The following KCNJ3 variants were observed in gnomAD, a reference collection of about 807,000 sequenced individuals.
KCNJ3 encodes the protein potassium inwardly rectifying channel subfamily J member 3, also known as G protein-activated inward rectifier potassium channel 1.
KCNJ3 carries 4 observed loss-of-function variants against 39.2 expected under a neutral mutation model. The ratio of observed to expected loss-of-function variants is 0.10; its 90% CI spans 0.05 to 0.23. KCNJ3 has a LOEUF of 0.23. KCNJ3 is among the 10% of genes least tolerant of loss of function. KCNJ3 has a pLI of 1.00. For synonymous variants in KCNJ3, 230 were observed against 237.4 expected, an observed-to-expected ratio of 0.97 and a Z score of 0.29; for missense variants, 276 against 634.9, an observed-to-expected ratio of 0.43 and a Z score of 6.08.
At chr2:154,846,895 T>C (rs1687673475) in intron 2 of KCNJ3, among the ~76,000 whole-genome samples, 1 of 152,182 alleles carries the variant, frequency 6.6e-6, no homozygotes, top group African/African-American at 2.4e-5. Context: ...GGGCTTTTCT[T>C]CTTTTTTTAT....
chr2:154,728,689 T>C (rs1400452977), intron 2 of KCNJ3, among the ~76,000 whole-genome samples: 1 of 152,188 alleles, frequency 6.6e-6, no homozygotes, highest in Non-Finnish European at 1.5e-5. Flanking sequence ...TGTAGTATTT[T>C]GAGGAATAAG....
At position 154,733,918 on chromosome 2, in the gene KCNJ3, T is replaced by C. The variant is rs115413621; in HGVS notation, c.919+24099T>C. ...ACATGTGTTTGTTGGTGTTGGGGTT[T>C]GGTGTGCCTAAGTGAATATAGACCT... On this transcript the variant is annotated intron_variant, in intron 2 of 2. Transcript: ENST00000295101. 7.6e-3 allele frequency among the ~76,000 whole-genome samples: 1,152 copies of C among 152,248 alleles called. 16 individuals are homozygous for C. The highest frequency in any genetic ancestry group is 0.025 in the African/African-American group (1,057 of 41,536).
intron 2 of KCNJ3, among the ~76,000 whole-genome samples, chr2:154,848,360 G>C (rs1687696895): frequency 6.6e-6 from 1 of 151,970 alleles, no homozygotes; most frequent in Non-Finnish European, 1.5e-5. Flanking sequence ...GAGATAATGA[G>C]ATAAAATATA....
At chr2:154,806,440 C>G (rs1336756638) in intron 2 of KCNJ3, among the ~76,000 whole-genome samples, 3 of 152,162 alleles carry the variant, frequency 2.0e-5, no homozygotes, top group African/African-American at 7.2e-5. Context: ...AAATGGCAAA[C>G]AAGCAGATTC....
chr2:154,787,025 G>A (rs748942061), intron 2 of KCNJ3, among the ~76,000 whole-genome samples: 12 of 152,112 alleles, frequency 7.9e-5, no homozygotes, highest in Non-Finnish European at 1.2e-4. Flanking sequence ...AATGATAACG[G>A]TTGGCTTATT....
intron 2 of KCNJ3, among the ~76,000 whole-genome samples, chr2:154,842,448 T>TATTA (rs1387230307): frequency 5.3e-5 from 8 of 152,224 alleles, no homozygotes; most frequent in Non-Finnish European, 1.0e-4. Context: ...TGTAGATGTC[T>TATTA]ATTAGGTCTG....
At chr2:154,791,311 G>C (rs893547656) in intron 2 of KCNJ3, among the ~76,000 whole-genome samples, 1 of 152,050 alleles carries the variant, frequency 6.6e-6, no homozygotes, top group Non-Finnish European at 1.5e-5. Context: ...GCTGATGTTG[G>C]AGGTGTTAAA....
At chr2:154,724,329 A>C (rs1415689647) in intron 2 of KCNJ3, among the ~76,000 whole-genome samples, 1 of 151,958 alleles carries the variant, frequency 6.6e-6, no homozygotes, top group Non-Finnish European at 1.5e-5. Flanking sequence ...AAATATAATC[A>C]TTATTATTAT....
At chr2:154,796,977 A>G (rs1686730945) in intron 2 of KCNJ3, among the ~76,000 whole-genome samples, 2 of 152,174 alleles carry the variant, frequency 1.3e-5, no homozygotes, top group South Asian at 4.1e-4. Context: ...TGGCCAAGAG[A>G]CTTTAGCACA....
At chr2:154,748,628 T>C (rs1685786294) in intron 2 of KCNJ3, among the ~76,000 whole-genome samples, 2 of 150,226 alleles carry the variant, frequency 1.3e-5, no homozygotes, top group African/African-American at 5.0e-5. Flanking sequence ...AACTGAACAC[T>C]ATCAGTCATA....
intron 2 of KCNJ3, among the ~76,000 whole-genome samples, chr2:154,725,350 C>A (rs13031525): frequency 6.7e-6 from 1 of 150,148 alleles, no homozygotes; most frequent in African/African-American, 2.4e-5. Context: ...TATCTTTTCT[C>A]TGAAAGTTTG....
At chr2:154,713,730 G>C (rs776554719) in intron 2 of KCNJ3, among the ~76,000 whole-genome samples, 32 of 152,150 alleles carry the variant, frequency 2.1e-4, no homozygotes, top group Non-Finnish European at 4.3e-4. Flanking sequence ...TCTCACTCTT[G>C]CTCTCTTTGC....
At chr2:154,701,669 A>G (rs1476013739) in intron 1 of KCNJ3, among the ~76,000 whole-genome samples, 1 of 152,136 alleles carries the variant, frequency 6.6e-6, no homozygotes, top group Non-Finnish European at 1.5e-5. Context: ...ACACAAGGTG[A>G]TAAAAACATC....
intron 2 of KCNJ3, among the ~76,000 whole-genome samples, chr2:154,737,971 TAA>T (rs1262489683): frequency 7.9e-5 from 12 of 152,188 alleles, no homozygotes; most frequent in Admixed American, 7.9e-4. Flanking sequence ...ATACCATGAT[TAA>T]ATTCGTTAAA....
At chr2:154,840,289 A>T (rs1687552574) in intron 2 of KCNJ3, among the ~76,000 whole-genome samples, 1 of 151,976 alleles carries the variant, frequency 6.6e-6, no homozygotes, top group South Asian at 2.1e-4. Context: ...GTTCTGTTCC[A>T]TTGGTCTATA....
rs183126533 is a variant in KCNJ3, at chr2:154,853,865, T to G, written c.920-862T>G. Among the ~76,000 whole-genome samples the G allele has an allele frequency of 3.4e-3, 521 of 152,116 alleles. 2 individuals carry two copies. Among genetic ancestry groups the G allele is most frequent in the Middle Eastern group, 6.8e-3 (2 of 294 alleles). On this transcript the variant is annotated intron_variant, in intron 2 of 2. Transcript: ENST00000295101. ...AACATAATTGATAAACTGAAAAAAT[T>G]TACATCTGATAGCCAGCAACCAGTT...
intron 1 of KCNJ3, among the ~76,000 whole-genome samples, chr2:154,700,304 C>A (rs1684865712): frequency 2.0e-5 from 3 of 152,180 alleles, no homozygotes; most frequent in African/African-American, 4.8e-5. Context: ...ACAAATTGCA[C>A]ATGGAGTGGT....
chr2:154,799,571 CT>C, intron 2 of KCNJ3, among the ~76,000 whole-genome samples: 1 of 152,148 alleles, frequency 6.6e-6, no homozygotes, highest in South Asian at 2.1e-4. Context: ...GCAACCACCC[CT>C]TTTCTTTTAC....
chr2:154,768,201 T>C (rs1686169753), intron 2 of KCNJ3, among the ~76,000 whole-genome samples: 1 of 152,224 alleles, frequency 6.6e-6, no homozygotes, highest in Non-Finnish European at 1.5e-5. Flanking sequence ...TTAGATCCCA[T>C]TTGTCAATTT....
Sources: gnomAD v4.1 joint callset for allele counts (sites outside exome capture counted in the v4.1 genomes callset) on GRCh38, gnomAD v4.1.1 for gene constraint, MANE v1.5 for transcripts, NCBI Gene and HGNC (gene_info 2026-07-23, HGNC 2026-07-21) for gene names.